FBXL17: variants seen among roughly 807,000 people sequenced by gnomAD.
The protein encoded by FBXL17 is F-box and leucine rich repeat protein 17, also known as F-box/LRR-repeat protein 17.
A neutral mutation model predicts 66.2 loss-of-function variants in FBXL17; 22 were observed. The observed-to-expected ratio is 0.33, with a 90% CI of 0.24 to 0.47. The LOEUF is 0.47. Ranked by LOEUF, FBXL17 falls within the 20% of genes least tolerant of loss-of-function variation. FBXL17 has a pLI of 1.00. For missense variants in FBXL17, 878 were observed against 948.2 expected (o/e 0.93, Z 0.97); for synonymous variants, 474 against 400.5 (o/e 1.18, Z -2.19).
chr5:108,021,789 T>G (rs934879416), intron 6 of FBXL17, among the ~76,000 whole-genome samples: 1 of 151,908 alleles, frequency 6.6e-6, no homozygotes, highest in Non-Finnish European at 1.5e-5. Flanking sequence ...AAAATTTGTG[T>G]AGTCATACAG....
At chr5:107,870,436 T>C (rs797017052) in intron 8 of FBXL17, among the ~76,000 whole-genome samples, 22 of 152,226 alleles carry the variant, frequency 1.4e-4, no homozygotes, top group African/African-American at 5.3e-4. Context: ...GATCTCTAAT[T>C]AGGCAAAGCC....
At chr5:108,330,416 A>G (rs1250365818) in intron 4 of FBXL17, among the ~76,000 whole-genome samples, 3 of 152,202 alleles carry the variant, frequency 2.0e-5, no homozygotes, top group Non-Finnish European at 4.4e-5. Flanking sequence ...GGTCCTTCAT[A>G]TGTTTAAAAC....
chr5:107,895,816 T>C (rs1448223896), intron 7 of FBXL17, among the ~76,000 whole-genome samples: 1 of 152,190 alleles, frequency 6.6e-6, no homozygotes, highest in Non-Finnish European at 1.5e-5. Flanking sequence ...ATTTCCTTTA[T>C]GCAGGCACAC....
chr5:108,355,503 G>A (rs984190642), intron 3 of FBXL17, among the ~76,000 whole-genome samples: 29 of 151,822 alleles, frequency 1.9e-4, no homozygotes, highest in African/African-American at 6.5e-4. Context: ...GGCTGGTCTC[G>A]AACTCCTGAC....
chr5:108,189,677 A>C (rs1161778306), intron 5 of FBXL17, among the ~76,000 whole-genome samples: 1 of 152,194 alleles, frequency 6.6e-6, no homozygotes, highest in Admixed American at 6.5e-5. Flanking sequence ...GTTCCTGATT[A>C]GTTGACACTG....
intron 6 of FBXL17, among the ~76,000 whole-genome samples, chr5:108,178,035 A>AT (rs1160011809): frequency 4.0e-5 from 6 of 150,258 alleles, no homozygotes; most frequent in Admixed American, 6.7e-5. Flanking sequence ...TTCGTATCTT[A>AT]TTTTTTTTGA....
At position 108,381,118 on chromosome 5, in the gene FBXL17, G is replaced by A. The variant is rs895874457; in HGVS notation, c.574C>T (p.Pro192Ser). The change falls in exon 1 of 9, where the codon CCC becomes TCC. Residue 192 changes from proline (P) to serine (S), a missense_variant. Physicochemically the swap from Pro to Ser is moderately conservative, Grantham distance 74. Coordinates refer to ENST00000542267, the MANE Select transcript of FBXL17 (RefSeq NM_001163315.3). Reference sequence around the variant, plus strand: ...TTCCGCTTGCACACCATTTCGGGGGGCGTAGGGAGCTCGGCCGGTGACGGT... The same window carrying A: ...TTCCGCTTGCACACCATTTCGGGGGACGTAGGGAGCTCGGCCGGTGACGGT... ...PTPSPAELPT[P>S]PEMVCKRKGA... 10 of 1,354,378 alleles carry A rather than the reference G, an allele frequency of 7.4e-6. No homozygotes were observed. The highest frequency in any genetic ancestry group is 1.5e-5 in the African/African-American group (1 of 65,798). 83.9% of individuals were successfully genotyped at this position (1,354,378 alleles called of 1,614,324 possible).
chr5:107,879,279 G>A (rs1748705573), intron 8 of FBXL17: 2 of 985,444 alleles, frequency 2.0e-6, no homozygotes, highest in Non-Finnish European at 1.2e-6. Context: ...TAGCATTCAT[G>A]TGGCAGTTCC....
chr5:108,284,606 G>A (rs1757827510), intron 4 of FBXL17, among the ~76,000 whole-genome samples: 1 of 151,782 alleles, frequency 6.6e-6, no homozygotes, highest in Non-Finnish European at 1.5e-5. Flanking sequence ...GTACAATGTA[G>A]GTTATTAGGG....
rs1398075855 is a variant in FBXL17, at chr5:107,859,405, T to C, written c.*2315A>G. 6.9e-6 allele frequency: 1 copy of C among 144,626 alleles called. No individual in the cohort carries two copies. The highest frequency in any genetic ancestry group is 1.5e-5 in the Non-Finnish European group (1 of 65,666). 9.0% of individuals were successfully genotyped at this position (144,626 alleles called of 1,614,324 possible). A position where few individuals can be genotyped will look rare whatever the true frequency, so the allele number is the denominator to read the frequency against. On this transcript the variant is annotated 3_prime_UTR_variant, in exon 9 of 9. Transcript: ENST00000542267. Reference sequence around the variant, plus strand: ...TTTTCTGGCTGTTTTTTTTTTTTTTTTTTTTTTTTTTTGAGATTAATGCTT... The same window carrying C: ...TTTTCTGGCTGTTTTTTTTTTTTTTCTTTTTTTTTTTTGAGATTAATGCTT...
intron 6 of FBXL17, among the ~76,000 whole-genome samples, chr5:108,156,790 G>A (rs1752013194): frequency 6.6e-6 from 1 of 151,698 alleles, no homozygotes; most frequent in Non-Finnish European, 1.5e-5. Context: ...AAAATTAAAA[G>A]GAGCAATTAA....
At chr5:108,324,237 T>C (rs1407694392) in intron 4 of FBXL17, among the ~76,000 whole-genome samples, 1 of 151,886 alleles carries the variant, frequency 6.6e-6, no homozygotes, top group African/African-American at 2.4e-5. Flanking sequence ...AACTCAACAA[T>C]GAAATAACCC....
chr5:107,894,483 T>C (rs1334713091), intron 7 of FBXL17, among the ~76,000 whole-genome samples: 1 of 152,116 alleles, frequency 6.6e-6, no homozygotes, highest in Middle Eastern at 3.2e-3. Context: ...AAACCCTCAA[T>C]TTTCCTTTCC....
intron 7 of FBXL17, among the ~76,000 whole-genome samples, chr5:107,956,279 G>A (rs1001994221): frequency 6.6e-6 from 1 of 152,184 alleles, no homozygotes; most frequent in African/African-American, 2.4e-5. Context: ...TAAAACCTCA[G>A]ATTCCTGAGA....
rs530376943 is a variant in FBXL17 at position 108,332,781 on chromosome 5, T to TA, written c.1506+15617dup. ...CACCATCATGTCCAGCTAATTCTTG[T>TA]ATTTTTAGTAGAGATGGAGTTTCGC... is the stretch of plus-strand genomic sequence containing the variant. On this transcript the variant is annotated intron_variant, in intron 4 of 8. Coordinates refer to ENST00000542267, the MANE Select transcript of FBXL17 (RefSeq NM_001163315.3). 2.2e-3 allele frequency among the ~76,000 whole-genome samples: 328 copies of TA among 152,062 alleles called. 2 individuals carry two copies. The South Asian group carries it at 0.023, about 11-fold the overall frequency.
chr5:107,902,228 G>A (rs1021839146), intron 7 of FBXL17, among the ~76,000 whole-genome samples: 3 of 152,024 alleles, frequency 2.0e-5, no homozygotes, highest in Non-Finnish European at 2.9e-5. Context: ...CAGCAGTTCC[G>A]AAGTTAGCTG....
At chr5:107,955,978 A>C (rs985817457) in intron 7 of FBXL17, among the ~76,000 whole-genome samples, 1 of 152,170 alleles carries the variant, frequency 6.6e-6, no homozygotes, top group Non-Finnish European at 1.5e-5. Context: ...AATTACCTCT[A>C]ATTCATCTGA....
At chr5:107,865,305 A>G (rs1748241183) in intron 8 of FBXL17, among the ~76,000 whole-genome samples, 1 of 152,242 alleles carries the variant, frequency 6.6e-6, no homozygotes, top group South Asian at 2.1e-4. Flanking sequence ...AGGAAAAGGC[A>G]CATAATTCAC....
intron 8 of FBXL17, among the ~76,000 whole-genome samples, chr5:107,870,978 C>T (rs1318978831): frequency 6.8e-6 from 1 of 147,286 alleles, no homozygotes; most frequent in Non-Finnish European, 1.5e-5. Context: ...ACGCTTCATG[C>T]ATGAACCTCA....
Sources: gnomAD v4.1 joint callset for allele counts (sites outside exome capture counted in the v4.1 genomes callset) on GRCh38, gnomAD v4.1.1 for gene constraint, MANE v1.5 for transcripts, NCBI Gene and HGNC (gene_info 2026-07-23, HGNC 2026-07-21) for gene names.